The following NFIA variants were observed in gnomAD, a reference collection of about 807,000 sequenced individuals.
The protein encoded by NFIA is nuclear factor I A, also known as nuclear factor 1 A-type.
NFIA carries 8 observed loss-of-function variants against 62.8 expected under a neutral mutation model. The ratio of observed to expected loss-of-function variants is 0.13; its 90% CI spans 0.07 to 0.23. NFIA has a LOEUF of 0.23. Ranked by LOEUF, NFIA falls within the 10% of genes least tolerant of loss-of-function variation. The pLI is 1.00. For synonymous variants in NFIA, 235 were observed against 238.1 expected, an observed-to-expected ratio of 0.99 and a Z score of 0.12; for missense variants, 410 against 642.1, an observed-to-expected ratio of 0.64 and a Z score of 3.91.
At chr1:61,189,562 G>T (rs542804315) in intron 2 of NFIA, among the ~76,000 whole-genome samples, 3 of 152,126 alleles carry the variant, frequency 2.0e-5, no homozygotes, top group Non-Finnish European at 4.4e-5. Context: ...CTACTCGGGA[G>T]GCTGAGGCAG....
chr1:61,096,556 T>C (rs1236111491), intron 2 of NFIA, among the ~76,000 whole-genome samples: 1 of 134,776 alleles, frequency 7.4e-6, no homozygotes, highest in Non-Finnish European at 1.6e-5. Flanking sequence ...TCTTTTTTTT[T>C]TTTTTTTTTT....
chr1:61,081,359 A>G (rs1431811954), upstream of NFIA, among the ~76,000 whole-genome samples: 1 of 152,166 alleles, frequency 6.6e-6, no homozygotes, highest in Non-Finnish European at 1.5e-5. Context: ...ACCTAAAATA[A>G]TTGCAGGAAG....
chr1:61,263,904 C>T (rs1322520087), intron 2 of NFIA, among the ~76,000 whole-genome samples: 7 of 151,946 alleles, frequency 4.6e-5, no homozygotes, highest in African/African-American at 1.7e-4. Context: ...GCAGGAGAAT[C>T]GCTTGAACCC....
chr1:61,420,670 G>A (rs9436643), intron 9 of NFIA, among the ~76,000 whole-genome samples: 28,469 of 151,976 alleles, frequency 0.19, 2,942 homozygotes, highest in East Asian at 0.43. Flanking sequence ...TTGAATTTTC[G>A]ACTAGCTTTA....
intron 7 of NFIA, among the ~76,000 whole-genome samples, chr1:61,397,915 C>T (rs934512673): frequency 3.9e-5 from 6 of 151,984 alleles, no homozygotes; most frequent in East Asian, 1.9e-4. Flanking sequence ...AAAAGTCTAC[C>T]GTGGAGAGTT....
intron 6 of NFIA, among the ~76,000 whole-genome samples, chr1:61,367,478 A>G (rs528904894): frequency 1.8e-4 from 27 of 152,328 alleles, no homozygotes; most frequent in African/African-American, 6.5e-4. Flanking sequence ...GTAGGAAAGC[A>G]TCATCTGGGA....
intron 2 of NFIA, among the ~76,000 whole-genome samples, chr1:61,274,897 G>A (rs1657715112): frequency 6.6e-6 from 1 of 151,974 alleles, no homozygotes; most frequent in Admixed American, 6.6e-5. Flanking sequence ...ACTAAGACTG[G>A]GTAGTTTTGC....
At chr1:61,209,365 T>C (rs1487083847) in intron 2 of NFIA, among the ~76,000 whole-genome samples, 2 of 152,168 alleles carry the variant, frequency 1.3e-5, no homozygotes, top group Non-Finnish European at 2.9e-5. Context: ...CCTAAATGGT[T>C]TTGTTATTAT....
At chr1:61,442,153 G>A (rs939946081) in intron 10 of NFIA, among the ~76,000 whole-genome samples, 2 of 152,104 alleles carry the variant, frequency 1.3e-5, no homozygotes, top group African/African-American at 2.4e-5. Context: ...GGGATGCCAG[G>A]CACTGAGTAG....
At chr1:61,126,462 A>ACACACACACACACACACACTCT (rs35045816) in intron 2 of NFIA, among the ~76,000 whole-genome samples, 12 of 145,928 alleles carry the variant, frequency 8.2e-5, no homozygotes, top group Non-Finnish European at 1.7e-4. Flanking sequence ...ACACACACAC[A>ACACACACACACACACACACTCT]CACACACACA....
chr1:61,286,434 A>C (rs550948708), intron 3 of NFIA, among the ~76,000 whole-genome samples: 1 of 151,928 alleles, frequency 6.6e-6, no homozygotes, highest in Admixed American at 6.5e-5. Context: ...TCTCAAAAAA[A>C]AAAAAAAAAA....
At chr1:61,401,383 C>G (rs1015282587) in intron 7 of NFIA, among the ~76,000 whole-genome samples, 2 of 152,002 alleles carry the variant, frequency 1.3e-5, no homozygotes, top group African/African-American at 4.8e-5. Context: ...AAATAAAAAA[C>G]GAAGGTCTAA....
At chr1:61,278,631 T>C (rs914326447) in intron 3 of NFIA, among the ~76,000 whole-genome samples, 1 of 152,132 alleles carries the variant, frequency 6.6e-6, no homozygotes. Context: ...TTACTAAAAA[T>C]AGAAAAATTA....
Position 61,263,731 on chromosome 1 carries a change from A to G in NFIA, c.560-13789A>G, listed in dbSNP as rs1656921103. On this transcript the variant is annotated intron_variant, in intron 2 of 10. Transcript: ENST00000403491. The stretch of plus-strand genomic sequence containing the variant: ...TAGCATTGGCTGGGCACGGTGGCTC[A>G]CGCCTGTAATCCCAGCACTTTGGGA... Among the ~76,000 whole-genome samples the G allele has an allele frequency of 2.6e-5, 4 of 152,322 alleles. No homozygotes were observed. In the South Asian group the frequency reaches 8.3e-4, roughly 32 times the overall value.
chr1:61,162,961 T>C (rs1649319608), intron 2 of NFIA, among the ~76,000 whole-genome samples: 1 of 152,158 alleles, frequency 6.6e-6, no homozygotes, highest in Admixed American at 6.5e-5. Context: ...GTATTGGGAG[T>C]ACATTATCAA....
intron 2 of NFIA, among the ~76,000 whole-genome samples, chr1:61,221,562 C>CTT (rs1654018158): frequency 6.6e-6 from 1 of 151,910 alleles, no homozygotes; most frequent in East Asian, 1.9e-4. Flanking sequence ...AGTAGAAATC[C>CTT]AAATCGTTGA....
chr1:61,328,451 C>T (rs1264480965), intron 3 of NFIA, among the ~76,000 whole-genome samples: 1 of 150,552 alleles, frequency 6.6e-6, no homozygotes, highest in Non-Finnish European at 1.5e-5. Context: ...GACGGAATTT[C>T]GCTCTTATTG....
intron 2 of NFIA, among the ~76,000 whole-genome samples, chr1:61,153,786 TTA>T (rs1343189163): frequency 1.3e-5 from 2 of 152,204 alleles, no homozygotes; most frequent in Non-Finnish European, 2.9e-5. Context: ...GCCCTGGTCA[TTA>T]GAACATCAAG....
chr1:61,364,459 A>G (rs187241178), intron 6 of NFIA, among the ~76,000 whole-genome samples: 164 of 152,314 alleles, frequency 1.1e-3, no homozygotes, highest in Non-Finnish European at 1.7e-3. Context: ...ATTTGCTATC[A>G]AGAATACTCT....
Sources: gnomAD v4.1 joint callset for allele counts (sites outside exome capture counted in the v4.1 genomes callset) on GRCh38, gnomAD v4.1.1 for gene constraint, MANE v1.5 for transcripts, NCBI Gene and HGNC (gene_info 2026-07-23, HGNC 2026-07-21) for gene names.